Variants in SAP130 observed in about 807,000 individuals in gnomAD.
SAP130 encodes Sin3A associated protein 130.
Under a neutral mutation model 103.2 loss-of-function variants are expected in SAP130, and 16 were observed. The observed-to-expected ratio is 0.16, with a 90% CI of 0.10 to 0.24. The LOEUF is 0.24. Ranked by LOEUF, SAP130 falls within the 10% of genes least tolerant of loss-of-function variation. The pLI, the probability that SAP130 is intolerant of heterozygous loss-of-function variation, is 1.00. For missense variants in SAP130, 990 were observed against 1,359.7 expected, an observed-to-expected ratio of 0.73 and a Z score of 4.28; for synonymous variants, 477 against 497.0, an observed-to-expected ratio of 0.96 and a Z score of 0.53.
intron 6 of SAP130, 68 bp downstream of exon 6, chr2:128,012,962 T>C (rs998635523): frequency 1.8e-5 from 27 of 1,463,268 alleles, no homozygotes; most frequent in Admixed American, 4.5e-5. Flanking sequence ...AGGTCAAGGA[T>C]GTGCCTAGTG....
chr2:127,980,051 G>A (rs1050577844), intron 14 of SAP130, among the ~76,000 whole-genome samples: 3 of 151,794 alleles, frequency 2.0e-5, no homozygotes, highest in African/African-American at 4.8e-5. Flanking sequence ...GCTAATTTTT[G>A]TATTTTTACT....
In SAP130 at chr2:127,955,999, A is replaced by G. The variant is rs1311454152; in HGVS notation, c.2064-655T>C. ...GTATCTTTTCTCCCAGAATTCCTTA[A>G]TATATATGTTGTCTTTGGAGTTGTT... On this transcript the variant is annotated intron_variant, in intron 15 of 20. Coordinates refer to ENST00000643581, the MANE Select transcript of SAP130 (RefSeq NM_001330301.2). The surrounding 1 kb of genome is among the most constrained non-coding windows in gnomAD (Gnocchi z 4.9). 6.6e-6 allele frequency among the ~76,000 whole-genome samples: 1 copy of G among 152,036 alleles called. No homozygotes were observed. The highest frequency in any genetic ancestry group is 1.5e-5 in the Non-Finnish European group (1 of 68,008).
At chr2:127,987,202 TGAAA>T (rs933609224) in intron 13 of SAP130, among the ~76,000 whole-genome samples, 1 of 152,230 alleles carries the variant, frequency 6.6e-6, no homozygotes, top group Non-Finnish European at 1.5e-5. Flanking sequence ...TTTCTTTGTT[TGAAA>T]GAGAGTCTTG....
chr2:128,027,669 C>G (rs1017715163), intron 1 of SAP130, among the ~76,000 whole-genome samples: 2 of 143,278 alleles, frequency 1.4e-5, no homozygotes, highest in Non-Finnish European at 3.1e-5. Context: ...GCTCTGCTTC[C>G]CCGCCAAGGC....
At chr2:128,021,863 A>C (rs1449902014) in intron 2 of SAP130, among the ~76,000 whole-genome samples, 1 of 152,208 alleles carries the variant, frequency 6.6e-6, no homozygotes, top group Non-Finnish European at 1.5e-5. Context: ...GATGACTAGT[A>C]ATGTTGAACA....
intron 15 of SAP130, among the ~76,000 whole-genome samples, chr2:127,970,754 A>G (rs183397310): frequency 1.3e-5 from 2 of 151,876 alleles, no homozygotes; most frequent in Non-Finnish European, 1.5e-5. Context: ...GATTCACCCT[A>G]CTCCAGTAGG....
In SAP130 at chr2:127,955,141, G is replaced by A. The variant is rs762355437; in HGVS notation, c.2267C>T (p.Ala756Val). The A allele has an allele frequency of 4.3e-6, 7 of 1,614,032 alleles. No individual in the cohort carries two copies. The highest frequency in any genetic ancestry group is 1.3e-5 in the African/African-American group (1 of 74,918). ...GGTGATGGGTGGAGTGATGGGGACC[G>A]CTCCAGGAATGGTTGAAAGGGCAAC... ...PAVALSTIPG[A>V]VPITPPITTI... is the part of the protein sequence containing the mutation. Residue 756 changes from alanine (A) to valine (V), a missense_variant, in exon 16 of 21, where the codon GCG (alanine) becomes GTG (valine). Physicochemically the swap from Ala to Val is moderately conservative, Grantham distance 64. Coordinates refer to ENST00000643581, the MANE Select transcript of SAP130 (RefSeq NM_001330301.2). This position sits in a 1 kb window ranked among gnomAD's most constrained non-coding sequence, Gnocchi z 4.9.
chr2:127,956,174 G>A lies in SAP130; in HGVS notation c.2064-830C>T, dbSNP rs935147226. On this transcript the variant is annotated intron_variant, in intron 15 of 20. Coordinates refer to ENST00000643581, the MANE Select transcript of SAP130 (RefSeq NM_001330301.2). ...AAAAACTCTAAAAGACTGGGTTCAGGAGCTTCTGGGATAGCTAGCACGTGG... is the reference window on the plus strand; with the variant it reads ...AAAAACTCTAAAAGACTGGGTTCAGAAGCTTCTGGGATAGCTAGCACGTGG... Among the ~76,000 whole-genome samples, 5 of 152,148 alleles carry A rather than the reference G, an allele frequency of 3.3e-5. No individual in the cohort carries two copies. The South Asian group carries it at 1.0e-3, about 32-fold the overall frequency.
chr2:127,996,546 C>A lies in SAP130; in HGVS notation c.1214-55G>T. 2 of 1,393,240 alleles carry A rather than the reference C, an allele frequency of 1.4e-6. No individual in the cohort carries two copies. 86.3% of individuals were successfully genotyped at this position (1,393,240 alleles called of 1,614,324 possible). On this transcript the variant is annotated intron_variant, in intron 10 of 20. Coordinates refer to ENST00000643581, the MANE Select transcript of SAP130 (RefSeq NM_001330301.2). The surrounding 1 kb of genome is among the most constrained non-coding windows in gnomAD (Gnocchi z 4.3). Reference sequence around the variant, plus strand: ...CATTCTACACTTTTTTTTGGCATGCCAAAACATTCTTGGCTAGCAGCAATC... The same window carrying A: ...CATTCTACACTTTTTTTTGGCATGCAAAAACATTCTTGGCTAGCAGCAATC...
chr2:127,991,672 A>T (rs1278699276), intron 12 of SAP130, among the ~76,000 whole-genome samples: 3 of 152,124 alleles, frequency 2.0e-5, no homozygotes, highest in Non-Finnish European at 4.4e-5. Flanking sequence ...TCTTTTCTAT[A>T]TTATGTCTTC....
At position 128,028,031 on chromosome 2, in the gene SAP130, C is replaced by T. The variant is rs1685647197; in HGVS notation, c.-98G>A. On this transcript the variant is annotated 5_prime_UTR_variant, in exon 1 of 21. Coordinates refer to ENST00000643581, the MANE Select transcript of SAP130 (RefSeq NM_001330301.2). Reference sequence around the variant, plus strand: ...GGCCGACGTCCCCAGGCTCCGGACCCGCAGCCACCGCCGGGGAGCTAGCAC... The same window carrying T: ...GGCCGACGTCCCCAGGCTCCGGACCTGCAGCCACCGCCGGGGAGCTAGCAC... 2 of 963,736 alleles carry T rather than the reference C, an allele frequency of 2.1e-6. No individual in the cohort carries two copies. The highest frequency in any genetic ancestry group is 2.5e-6 in the Non-Finnish European group (2 of 810,062). 59.7% of individuals were successfully genotyped at this position (963,736 alleles called of 1,614,324 possible). A position where few individuals can be genotyped will look rare whatever the true frequency, so the allele number is the denominator to read the frequency against.
chr2:127,949,011 T>C (rs1273491676), intron 18 of SAP130, among the ~76,000 whole-genome samples: 1 of 152,184 alleles, frequency 6.6e-6, no homozygotes, highest in Non-Finnish European at 1.5e-5. Flanking sequence ...TCTCACCCTC[T>C]TTCCAAACCT....
In SAP130 at chr2:127,955,815, T is replaced by C. The variant is rs1679800689; in HGVS notation, c.2064-471A>G. On this transcript the variant is annotated intron_variant, in intron 15 of 20. Transcript: ENST00000643581. This position sits in a 1 kb window ranked among gnomAD's most constrained non-coding sequence, Gnocchi z 4.9. Reference sequence around the variant, plus strand: ...AATACTCTATTCCTTGACTTTAAAGTTTAACAAAGCAATTTTAAATGGAAA... The same window carrying C: ...AATACTCTATTCCTTGACTTTAAAGCTTAACAAAGCAATTTTAAATGGAAA... Among the ~76,000 whole-genome samples the C allele has an allele frequency of 6.6e-6, 1 of 152,176 alleles. No individual in the cohort carries two copies. Among genetic ancestry groups the C allele is most frequent in the East Asian group, 1.9e-4 (1 of 5,198 alleles).
At position 127,942,248 on chromosome 2, in the gene SAP130, C is replaced by A; in HGVS notation, c.3016-84G>T. The A allele has an allele frequency of 7.4e-7, 1 of 1,345,796 alleles. No homozygotes were observed. Among genetic ancestry groups the A allele is most frequent in the Non-Finnish European group, 1.0e-6 (1 of 974,884 alleles). The allele number at this position is 1,345,796 out of a possible 1,614,324, so 83.4% of individuals were successfully genotyped here. On this transcript the variant is annotated intron_variant, in intron 20 of 20. Coordinates refer to ENST00000643581, the MANE Select transcript of SAP130 (RefSeq NM_001330301.2). The surrounding 1 kb of genome is among the most constrained non-coding windows in gnomAD (Gnocchi z 4.8). ...AAAACTGCTTGCCTTTGGGCAGAGG[C>A]CATGTTGAGGCTTCCACAACAGAGA...
rs527260801 is a variant in SAP130 at position 127,969,040 on chromosome 2, G to A, written c.2063+8945C>T. Among the ~76,000 whole-genome samples the A allele has an allele frequency of 1.4e-4, 22 of 152,192 alleles. No individual in the cohort carries two copies. The South Asian group carries it at 4.4e-3, about 30-fold the overall frequency. On this transcript the variant is annotated intron_variant, in intron 15 of 20. Transcript: ENST00000643581. ...TTATTGAAAACGCTTACCAATCTCT[G>A]CTTAGATGATCAACAAAACAGTAAA...
chr2:127,959,125 A>G (rs185161740), intron 15 of SAP130, among the ~76,000 whole-genome samples: 1 of 150,146 alleles, frequency 6.7e-6, no homozygotes, highest in East Asian at 1.9e-4. Context: ...GCTGCTGAAA[A>G]GTGAGGAGAA....
chr2:127,974,462 C>A (rs541459656), intron 15 of SAP130, among the ~76,000 whole-genome samples: 2 of 76,794 alleles, frequency 2.6e-5, no homozygotes, highest in Non-Finnish European at 3.0e-5. Context: ...TATAGTCATG[C>A]AGCACATAAG....
At chr2:128,011,772 G>A (rs552704809) in intron 6 of SAP130, among the ~76,000 whole-genome samples, 1 of 152,276 alleles carries the variant, frequency 6.6e-6, no homozygotes, top group South Asian at 2.1e-4. Flanking sequence ...AAGTGCTTAA[G>A]GGGACAGACC....
At chr2:127,962,086 G>C (rs1308109863) in intron 15 of SAP130, among the ~76,000 whole-genome samples, 2 of 152,140 alleles carry the variant, frequency 1.3e-5, no homozygotes, top group African/African-American at 4.8e-5. Context: ...TGTAATTTTG[G>C]TAAGTATTGC....
Sources: gnomAD v4.1 joint callset for allele counts (sites outside exome capture counted in the v4.1 genomes callset) on GRCh38, gnomAD v4.1.1 for gene constraint, Gnocchi (gnomAD v3.1) non-coding constraint, MANE v1.5 for transcripts, NCBI Gene and HGNC (gene_info 2026-07-23, HGNC 2026-07-21) for gene names.